Variants in GRM7 observed in about 807,000 individuals in gnomAD.
GRM7 encodes the protein glutamate metabotropic receptor 7, also known as metabotropic glutamate receptor 7.
In GRM7, 35 loss-of-function variants were observed where a neutral mutation model predicts 84.5. The observed-to-expected ratio is 0.41, with a 90% CI of 0.32 to 0.55. The LOEUF is 0.55. GRM7 is among the 20% of genes least tolerant of loss of function. The probability of loss-of-function intolerance (pLI) is 0.19; values close to 1 mark genes in which losing one functional copy is unlikely to be tolerated. For synonymous variants in GRM7, 487 were observed against 455.1 expected (o/e 1.07, Z -0.89); for missense variants, 1,003 against 1,194.6 (o/e 0.84, Z 2.36).
At position 7,245,603 on chromosome 3, in the gene GRM7, T is replaced by C. The variant is rs114440688; in HGVS notation, c.737-53081T>C. On this transcript the variant is annotated intron_variant, in intron 2 of 9. Coordinates refer to ENST00000357716, the MANE Select transcript of GRM7 (RefSeq NM_000844.4). ...CAGAGAATATCCTTCAAAAATGAAG[T>C]TGAAATGAAGACACTGTCAAATATG... is the stretch of plus-strand genomic sequence containing the variant. Among the ~76,000 whole-genome samples the C allele has an allele frequency of 8.3e-3, 1,253 of 151,834 alleles. 23 individuals are homozygous for C. The highest frequency in any genetic ancestry group is 0.027 in the African/African-American group (1,101 of 41,472).
chr3:7,595,733 G>A (rs1402337393), intron 8 of GRM7, among the ~76,000 whole-genome samples: 1 of 152,002 alleles, frequency 6.6e-6, no homozygotes, highest in African/African-American at 2.4e-5. Context: ...GGCCAGAGAT[G>A]AGCAAATGCA....
At chr3:7,455,185 G>A (rs1015305208) in intron 6 of GRM7, among the ~76,000 whole-genome samples, 3 of 152,056 alleles carry the variant, frequency 2.0e-5, no homozygotes, top group African/African-American at 7.2e-5. Context: ...GTAAACACTT[G>A]AACTAATTAA....
intron 9 of GRM7, among the ~76,000 whole-genome samples, chr3:7,732,968 C>T (rs1432450809): frequency 6.6e-6 from 1 of 152,176 alleles, no homozygotes; most frequent in Admixed American, 6.5e-5. Context: ...CATTCCTCCC[C>T]TTTTTAGACC....
chr3:7,333,001 C>A (rs1487067016), intron 4 of GRM7, among the ~76,000 whole-genome samples: 1 of 152,110 alleles, frequency 6.6e-6, no homozygotes, highest in African/African-American at 2.4e-5. Context: ...CCTTCTACTA[C>A]CATAGCTGGT....
chr3:6,906,979 A>C (rs1375848971), intron 1 of GRM7, among the ~76,000 whole-genome samples: 1 of 152,184 alleles, frequency 6.6e-6, no homozygotes, highest in Non-Finnish European at 1.5e-5. Flanking sequence ...GTAATAGACA[A>C]ATTCAACACC....
intron 1 of GRM7, among the ~76,000 whole-genome samples, chr3:6,970,686 A>G (rs1274959333): frequency 6.6e-6 from 1 of 152,090 alleles, no homozygotes; most frequent in Non-Finnish European, 1.5e-5. Context: ...CCTACAAAAA[A>G]ACCAAGAGAG....
rs184504041 is a variant in GRM7, at chr3:7,168,395, T to C, written c.736+21727T>C. Among the ~76,000 whole-genome samples, 92 of 152,200 alleles carry C rather than the reference T, an allele frequency of 6.0e-4. 1 individual carries two copies. Among genetic ancestry groups the C allele is most frequent in the African/African-American group, 2.2e-3 (91 of 41,526 alleles). Reference sequence around the variant, plus strand: ...CATTTGGAAGTTGATTAGGTTTAGATGAGGTCATGAAGGTCGGGACTTCCT... The same window carrying C: ...CATTTGGAAGTTGATTAGGTTTAGACGAGGTCATGAAGGTCGGGACTTCCT... On this transcript the variant is annotated intron_variant, in intron 2 of 9. Transcript: ENST00000357716.
chr3:7,078,576 G>A (rs1698172153), intron 1 of GRM7, among the ~76,000 whole-genome samples: 1 of 152,110 alleles, frequency 6.6e-6, no homozygotes. Flanking sequence ...TCAGAATTAA[G>A]TGGAATCTAG....
chr3:6,946,196 T>G (rs193166083), intron 1 of GRM7, among the ~76,000 whole-genome samples: 6 of 152,356 alleles, frequency 3.9e-5, no homozygotes, highest in East Asian at 1.9e-4. Context: ...GTTTTAGGTC[T>G]AACATTTAAG....
chr3:7,280,390 T>G (rs1300903938), intron 2 of GRM7, among the ~76,000 whole-genome samples: 2 of 152,234 alleles, frequency 1.3e-5, no homozygotes, highest in Non-Finnish European at 1.5e-5. Flanking sequence ...TTCAACTTCT[T>G]AAAATTATGA....
At chr3:7,517,459 C>G (rs1220918997) in intron 7 of GRM7, among the ~76,000 whole-genome samples, 2 of 152,114 alleles carry the variant, frequency 1.3e-5, no homozygotes, top group African/African-American at 4.8e-5. Context: ...GTTGCATGAT[C>G]TCGGCTCACT....
At chr3:7,438,376 A>T (rs941103380) in intron 5 of GRM7, among the ~76,000 whole-genome samples, 5 of 152,002 alleles carry the variant, frequency 3.3e-5, no homozygotes, top group African/African-American at 1.2e-4. Flanking sequence ...AATGAGAGCA[A>T]TCATGACACC....
chr3:6,893,191 A>G (rs1052437570), intron 1 of GRM7: 7 of 152,192 alleles, frequency 4.6e-5, no homozygotes, highest in Admixed American at 3.9e-4. Context: ...TGGTAGAACA[A>G]CAATGACTGG....
intron 1 of GRM7, among the ~76,000 whole-genome samples, chr3:6,981,856 T>C (rs1459935446): frequency 6.6e-6 from 1 of 152,270 alleles, no homozygotes; most frequent in Admixed American, 6.5e-5. Context: ...CTGGTGGGAA[T>C]GTAAATTAGT....
chr3:7,653,335 G>A (rs773793517), intron 8 of GRM7, among the ~76,000 whole-genome samples: 1 of 151,972 alleles, frequency 6.6e-6, no homozygotes. Context: ...TTCAGAAAAT[G>A]TATAATTCTG....
intron 2 of GRM7, among the ~76,000 whole-genome samples, chr3:7,190,480 T>G (rs1430060227): frequency 1.3e-5 from 2 of 152,130 alleles, no homozygotes; most frequent in Admixed American, 6.6e-5. Flanking sequence ...TAAGGGAGAT[T>G]CTAAAGTCCT....
At chr3:7,301,006 G>A (rs1364826552) in intron 3 of GRM7, among the ~76,000 whole-genome samples, 3 of 152,074 alleles carry the variant, frequency 2.0e-5, no homozygotes, top group African/African-American at 7.2e-5. Context: ...TTAACAATAA[G>A]CTTCTTTTTT....
At chr3:7,490,333 C>T (rs1316410673) in intron 7 of GRM7, among the ~76,000 whole-genome samples, 1 of 152,070 alleles carries the variant, frequency 6.6e-6, no homozygotes, top group Non-Finnish European at 1.5e-5. Flanking sequence ...GAGCTACACA[C>T]AAGAACAGTC....
chr3:7,701,426 G>C (rs1014564561), intron 9 of GRM7, among the ~76,000 whole-genome samples: 8 of 150,530 alleles, frequency 5.3e-5, no homozygotes, highest in Admixed American at 3.3e-4. Flanking sequence ...TCAGCCTCCT[G>C]AGTAGCTGGG....
Sources: allele counts gnomAD v4.1 joint callset (sites outside exome capture counted in the v4.1 genomes callset), GRCh38; gene constraint gnomAD v4.1.1; transcripts MANE v1.5; gene names NCBI Gene and HGNC (gene_info 2026-07-23, HGNC 2026-07-21).